The following CLVS1 variants were observed in gnomAD, a reference collection of about 807,000 sequenced individuals.
CLVS1 encodes the protein clavesin-1.
A neutral mutation model predicts 33.1 loss-of-function variants in CLVS1; 10 were observed. That is an observed-to-expected ratio of 0.30 (90% confidence interval 0.19 to 0.51). CLVS1 has a LOEUF of 0.51. Among genes scored for constraint, CLVS1 ranks in the 20% least tolerant of loss-of-function variants. The pLI is 0.97. For missense variants in CLVS1, 343 were observed against 433.4 expected, an observed-to-expected ratio of 0.79 and a Z score of 1.85; for synonymous variants, 163 against 166.1, an observed-to-expected ratio of 0.98 and a Z score of 0.14.
chr8:61,415,999 G>A lies in CLVS1; in HGVS notation c.631-38142G>A, dbSNP rs150564792. ...TCTGTAACACTCATCCAAAGCATAC[G>A]TGCATGGATGCTTTCCTGCTATGTG... On this transcript the variant is annotated intron_variant, in intron 3 of 5. Coordinates refer to ENST00000325897, the MANE Select transcript of CLVS1 (RefSeq NM_173519.3). Among the ~76,000 whole-genome samples, 64 of 152,190 alleles carry A rather than the reference G, an allele frequency of 4.2e-4. No individual in the cohort carries two copies. In the East Asian group the frequency reaches 0.011, roughly 26 times the overall value.
chr8:61,070,202 T>C (rs1804767602), intron 1 of CLVS1, among the ~76,000 whole-genome samples: 1 of 152,130 alleles, frequency 6.6e-6, no homozygotes, highest in Non-Finnish European at 1.5e-5. Flanking sequence ...ATGGCTTACT[T>C]TCCTATCTCT....
the CLVS1 span, among the ~76,000 whole-genome samples, chr8:60,997,815 A>G: frequency 6.6e-6 from 1 of 152,238 alleles, no homozygotes; most frequent in Non-Finnish European, 1.5e-5. Flanking sequence ...GAAGAGCCTA[A>G]GACTTTTTTC....
chr8:61,190,821 A>G lies in CLVS1; in HGVS notation c.-152+58961A>G, dbSNP rs1279690553. ...CACATACACTCTCCCAAGACTAAAC[A>G]AGGAAGAAGTTGAATCCCTGCATAG... On this transcript the variant is annotated intron_variant, in intron 2 of 2. Transcript: ENST00000522621. Among the ~76,000 whole-genome samples the G allele has an allele frequency of 3.3e-5, 5 of 152,128 alleles. No homozygotes were observed. The South Asian group carries it at 1.0e-3, about 32-fold the overall frequency.
intron 2 of CLVS1, among the ~76,000 whole-genome samples, chr8:61,224,903 G>A (rs1030877462): frequency 3.3e-5 from 5 of 152,216 alleles, no homozygotes; most frequent in Non-Finnish European, 5.9e-5. Context: ...AATAATGGGA[G>A]AATTTCTAAC....
At chr8:61,208,881 T>C (rs567309317) in intron 2 of CLVS1, among the ~76,000 whole-genome samples, 5 of 152,354 alleles carry the variant, frequency 3.3e-5, no homozygotes, top group African/African-American at 1.2e-4. Context: ...CCAGCACACC[T>C]GGCCTTTTCT....
At chr8:61,180,530 C>A (rs1261928771) in intron 2 of CLVS1, among the ~76,000 whole-genome samples, 1 of 152,012 alleles carries the variant, frequency 6.6e-6, no homozygotes, top group Non-Finnish European at 1.5e-5. Context: ...GACAAAGAGA[C>A]AACAAAAAAA....
intron 2 of CLVS1, among the ~76,000 whole-genome samples, chr8:61,245,492 T>C (rs1808786848): frequency 6.6e-6 from 1 of 151,912 alleles, no homozygotes; most frequent in Admixed American, 6.6e-5. Flanking sequence ...GCCAGATCTG[T>C]CTTTCATAAG....
At chr8:61,107,185 A>G (rs1805552358) in intron 1 of CLVS1, among the ~76,000 whole-genome samples, 1 of 152,244 alleles carries the variant, frequency 6.6e-6, no homozygotes, top group Non-Finnish European at 1.5e-5. Context: ...CGAATTAGAG[A>G]GAGTGAGACG....
chr8:61,493,726 A>G (rs953829481), intron 5 of CLVS1, among the ~76,000 whole-genome samples: 2 of 152,232 alleles, frequency 1.3e-5, no homozygotes, highest in African/African-American at 4.8e-5. Context: ...TAGGCTCACT[A>G]TTAGGCAATT....
At chr8:61,090,800 G>T (rs1470433771) in intron 1 of CLVS1, 3 of 500,044 alleles carry the variant, frequency 6.0e-6, no homozygotes, top group Non-Finnish European at 1.2e-5. Flanking sequence ...CTCTAGGATG[G>T]ATTATATGCA....
At chr8:61,082,976 C>A (rs1352947214) in intron 1 of CLVS1, among the ~76,000 whole-genome samples, 1 of 102,236 alleles carries the variant, frequency 9.8e-6, no homozygotes, top group African/African-American at 4.0e-5. Context: ...CAGAGAAAGA[C>A]CCTGTCTTAA....
intron 3 of CLVS1, among the ~76,000 whole-genome samples, chr8:61,409,067 C>A (rs555916231): frequency 9.9e-5 from 15 of 152,106 alleles, no homozygotes; most frequent in Admixed American, 7.2e-4. Flanking sequence ...TTATAAAAAA[C>A]CATTTTGAGT....
At chr8:61,223,291 G>C (rs528744865) in intron 2 of CLVS1, among the ~76,000 whole-genome samples, 1 of 152,156 alleles carries the variant, frequency 6.6e-6, no homozygotes, top group Non-Finnish European at 1.5e-5. Flanking sequence ...TTTATATTTT[G>C]GTGTGTTTTT....
intron 2 of CLVS1, among the ~76,000 whole-genome samples, chr8:61,226,464 A>C (rs1585704491): frequency 6.6e-6 from 1 of 152,236 alleles, no homozygotes; most frequent in African/African-American, 2.4e-5. Context: ...AAGTTTTCCA[A>C]CTTCAGCCTT....
At chr8:61,011,854 G>A in the CLVS1 span, among the ~76,000 whole-genome samples, 2 of 152,212 alleles carry the variant, frequency 1.3e-5, no homozygotes, top group East Asian at 3.8e-4. Flanking sequence ...CAAAGTAATT[G>A]GGTGTTGGGG....
At position 61,089,238 on chromosome 8, in the gene CLVS1, G is replaced by A. The variant is rs576644465; in HGVS notation, c.-243+32008G>A. Reference sequence around the variant, plus strand: ...TCAATTTCTATAATTTAACCAAATTGGAATTGCAGAAATCAAATGGAAAGG... The same window carrying A: ...TCAATTTCTATAATTTAACCAAATTAGAATTGCAGAAATCAAATGGAAAGG... On this transcript the variant is annotated intron_variant, in intron 1 of 2. Transcript: ENST00000522621. 2.0e-3 allele frequency among the ~76,000 whole-genome samples: 303 copies of A among 152,142 alleles called. 4 individuals carry two copies. Among genetic ancestry groups the A allele is most frequent in the African/African-American group, 6.8e-3 (284 of 41,488 alleles).
intron 5 of CLVS1, among the ~76,000 whole-genome samples, chr8:61,488,943 C>T (rs1803970728): frequency 6.6e-6 from 1 of 152,176 alleles, no homozygotes; most frequent in African/African-American, 2.4e-5. Flanking sequence ...CTAATCCACT[C>T]CCTTTCTCTA....
intron 5 of CLVS1, among the ~76,000 whole-genome samples, chr8:61,460,156 G>A (rs543133050): frequency 9.9e-5 from 15 of 152,216 alleles, no homozygotes; most frequent in South Asian, 4.1e-4. Context: ...GTTATGAAAC[G>A]TTTTTCCACG....
chr8:61,133,726 A>G (rs1054468506), intron 2 of CLVS1, among the ~76,000 whole-genome samples: 3 of 152,152 alleles, frequency 2.0e-5, no homozygotes, highest in African/African-American at 4.8e-5. Context: ...TTAGGAGGTC[A>G]TTGTGCTTAA....
Sources: allele counts gnomAD v4.1 joint callset (sites outside exome capture counted in the v4.1 genomes callset), GRCh38; gene constraint gnomAD v4.1.1; transcripts MANE v1.5; gene names NCBI Gene and HGNC (gene_info 2026-07-23, HGNC 2026-07-21).